The following HS2ST1 variants were observed in gnomAD, a reference collection of about 807,000 sequenced individuals.
The protein encoded by HS2ST1 is 2-O-sulfotransferase.
Under a neutral mutation model 42.9 loss-of-function variants are expected in HS2ST1, and 18 were observed. The ratio of observed to expected loss-of-function variants is 0.42; its 90% CI spans 0.29 to 0.62. The LOEUF (loss-of-function observed/expected upper bound fraction) is 0.62, where lower values mean the gene tolerates loss of function less well. HS2ST1 is among the 20% of genes least tolerant of loss of function. HS2ST1 has a pLI of 0.21. For missense variants in HS2ST1, 334 were observed against 433.8 expected (o/e 0.77, Z 2.04); for synonymous variants, 146 against 152.9 (o/e 0.95, Z 0.33).
intron 1 of HS2ST1, among the ~76,000 whole-genome samples, chr1:86,944,581 C>T (rs1042684106): frequency 1.3e-5 from 2 of 152,122 alleles, no homozygotes; most frequent in Non-Finnish European, 2.9e-5. Context: ...TCTCGAACTC[C>T]TGACCTCAAG....
At chr1:87,004,436 C>T (rs1649378980) in intron 1 of HS2ST1, among the ~76,000 whole-genome samples, 1 of 152,082 alleles carries the variant, frequency 6.6e-6, no homozygotes, top group Non-Finnish European at 1.5e-5. Context: ...ATCTCAATCA[C>T]TATGTAGTTT....
At chr1:87,008,033 A>G (rs970308117) in intron 1 of HS2ST1, among the ~76,000 whole-genome samples, 29 of 152,184 alleles carry the variant, frequency 1.9e-4, no homozygotes, top group Non-Finnish European at 4.4e-5. Context: ...AAATTGTAGC[A>G]TATAACTAAG....
intron 1 of HS2ST1, among the ~76,000 whole-genome samples, chr1:87,059,343 C>T (rs556346813): frequency 1.3e-5 from 2 of 152,308 alleles, no homozygotes; most frequent in South Asian, 4.2e-4. Context: ...TGAACTTACT[C>T]AGTGTATTTT....
At chr1:86,919,514 A>G (rs1660246256) in intron 1 of HS2ST1, among the ~76,000 whole-genome samples, 3 of 152,064 alleles carry the variant, frequency 2.0e-5, no homozygotes, top group Admixed American at 2.0e-4. Flanking sequence ...CATTTTTTCC[A>G]ACTGTATGTT....
intron 1 of HS2ST1, among the ~76,000 whole-genome samples, chr1:86,978,103 A>C (rs1386678436): frequency 6.6e-6 from 1 of 152,176 alleles, no homozygotes; most frequent in Admixed American, 6.5e-5. Context: ...GTACAGTAAC[A>C]TGCTGTATAG....
At chr1:86,961,052 T>G (rs1420014784) in intron 1 of HS2ST1, among the ~76,000 whole-genome samples, 2 of 151,972 alleles carry the variant, frequency 1.3e-5, no homozygotes, top group East Asian at 3.9e-4. Flanking sequence ...ATAAACAAAC[T>G]GTGGTACATC....
At chr1:86,995,772 A>G (rs1454755203) in intron 1 of HS2ST1, among the ~76,000 whole-genome samples, 2 of 152,142 alleles carry the variant, frequency 1.3e-5, no homozygotes, top group Non-Finnish European at 2.9e-5. Context: ...TATTCTCTTT[A>G]GGGATAGCAA....
At chr1:87,009,132 G>T (rs1649520949) in intron 1 of HS2ST1, among the ~76,000 whole-genome samples, 1 of 152,132 alleles carries the variant, frequency 6.6e-6, no homozygotes, top group Non-Finnish European at 1.5e-5. Flanking sequence ...CCCCATACTG[G>T]CCCAGAAGGA....
intron 1 of HS2ST1, among the ~76,000 whole-genome samples, chr1:87,036,512 T>G (rs1387539163): frequency 2.0e-5 from 3 of 152,094 alleles, no homozygotes; most frequent in Non-Finnish European, 2.9e-5. Context: ...AGGGAGGATA[T>G]TCCAAGTGAA....
chr1:86,992,835 C>T (rs1402281399), intron 1 of HS2ST1, among the ~76,000 whole-genome samples: 1 of 152,026 alleles, frequency 6.6e-6, no homozygotes, highest in Non-Finnish European at 1.5e-5. Flanking sequence ...GAAATGAAGA[C>T]CTGAAGTAGC....
At chr1:87,025,752 C>G (rs1421912379) in intron 1 of HS2ST1, among the ~76,000 whole-genome samples, 1 of 152,150 alleles carries the variant, frequency 6.6e-6, no homozygotes, top group Non-Finnish European at 1.5e-5. Context: ...CCAACTCTTG[C>G]TGAAAATTTG....
chr1:87,073,460 A>G (rs1004761029), intron 2 of HS2ST1, among the ~76,000 whole-genome samples: 8 of 152,216 alleles, frequency 5.3e-5, no homozygotes, highest in African/African-American at 1.9e-4. Context: ...TTTTAAAAAT[A>G]TAATTTTGGC....
At chr1:86,979,041 A>G (rs545692405) in intron 1 of HS2ST1, among the ~76,000 whole-genome samples, 62 of 151,660 alleles carry the variant, frequency 4.1e-4, no homozygotes, top group African/African-American at 1.5e-3. Context: ...TTTTTTGTAG[A>G]GATGGGGTTT....
intron 1 of HS2ST1, among the ~76,000 whole-genome samples, chr1:86,922,899 A>G (rs1368679473): frequency 6.6e-6 from 1 of 152,042 alleles, no homozygotes; most frequent in Non-Finnish European, 1.5e-5. Flanking sequence ...ATTTTTGGCT[A>G]TTATTTCTTC....
intron 5 of HS2ST1, among the ~76,000 whole-genome samples, chr1:87,102,043 A>G (rs1652224551): frequency 6.6e-6 from 1 of 151,984 alleles, no homozygotes; most frequent in Non-Finnish European, 1.5e-5. Flanking sequence ...GGGAGGACCC[A>G]GTCGTTTATT....
At chr1:86,952,753 C>T (rs764774717) in intron 1 of HS2ST1, among the ~76,000 whole-genome samples, 25 of 152,116 alleles carry the variant, frequency 1.6e-4, no homozygotes, top group African/African-American at 5.1e-4. Flanking sequence ...TTCAGTAAAC[C>T]GGGTGGTAAA....
At position 87,107,426 on chromosome 1, in the gene HS2ST1, G is replaced by C. The variant is rs1390245595; in HGVS notation, c.*2730G>C. ...GGTGTATTTAATTCCATCAGGTCCA[G>C]TACAGTACTAGGAGTCATAATACTT... On this transcript the variant is annotated 3_prime_UTR_variant, in exon 7 of 7. Transcript: ENST00000370550. 6.6e-6 allele frequency: 1 copy of C among 151,924 alleles called. No homozygotes were observed. The highest frequency in any genetic ancestry group is 1.5e-5 in the Non-Finnish European group (1 of 67,916). 9.4% of individuals were successfully genotyped at this position (151,924 alleles called of 1,614,324 possible). A position where few individuals can be genotyped will look rare whatever the true frequency, so the allele number is the denominator to read the frequency against.
At position 87,108,757 on chromosome 1, in the gene HS2ST1, T is replaced by A. The variant is rs1387267125; in HGVS notation, c.*4061T>A. 1 of 152,380 alleles carries A rather than the reference T, an allele frequency of 6.6e-6. No individual in the cohort carries two copies. Among genetic ancestry groups the A allele is most frequent in the African/African-American group, 2.4e-5 (1 of 41,460 alleles). The allele number at this position is 152,380 out of a possible 1,614,324, so 9.4% of individuals were successfully genotyped here. A position where few individuals can be genotyped will look rare whatever the true frequency, so the allele number is the denominator to read the frequency against. Reference sequence around the variant, plus strand: ...ATGGTGATGAACTCTTTAGAACGCATTACTGTTAAGCCTGTGTTGAGACAT... The same window carrying A: ...ATGGTGATGAACTCTTTAGAACGCAATACTGTTAAGCCTGTGTTGAGACAT... On this transcript the variant is annotated 3_prime_UTR_variant, in exon 7 of 7. Coordinates refer to ENST00000370550, the MANE Select transcript of HS2ST1 (RefSeq NM_012262.4).
chr1:87,039,771 A>G (rs1383911822), intron 1 of HS2ST1, among the ~76,000 whole-genome samples: 1 of 152,192 alleles, frequency 6.6e-6, no homozygotes, highest in Non-Finnish European at 1.5e-5. Flanking sequence ...GACCAATAGT[A>G]ACTAATTAAA....
Sources: allele counts gnomAD v4.1 joint callset (sites outside exome capture counted in the v4.1 genomes callset), GRCh38; gene constraint gnomAD v4.1.1; transcripts MANE v1.5; gene names NCBI Gene and HGNC (gene_info 2026-07-23, HGNC 2026-07-21).